The following CSGALNACT1 variants were observed in gnomAD, a reference collection of about 807,000 sequenced individuals.
CSGALNACT1 encodes the protein beta4GalNAcT-1.
Under a neutral mutation model 51.0 loss-of-function variants are expected in CSGALNACT1, and 52 were observed. The observed-to-expected ratio is 1.02, with a 90% CI of 0.82 to 1.29. The LOEUF (loss-of-function observed/expected upper bound fraction) is 1.29. Among genes scored for constraint, CSGALNACT1 ranks in the 50% most tolerant of loss-of-function variants. The probability of loss-of-function intolerance (pLI) is 0.00; values close to 1 mark genes in which losing one functional copy is unlikely to be tolerated. For synonymous variants in CSGALNACT1, 341 were observed against 254.4 expected (o/e 1.34, Z -3.24); for missense variants, 935 against 679.2 (o/e 1.38, Z -4.19).
At chr8:19,649,957 A>T (rs2057652681) in intron 1 of CSGALNACT1, among the ~76,000 whole-genome samples, 1 of 152,010 alleles carries the variant, frequency 6.6e-6, no homozygotes, top group Non-Finnish European at 1.5e-5. Flanking sequence ...CCACATCTTC[A>T]TAATACATAA....
At chr8:19,653,106 C>T (rs1291354257) in intron 1 of CSGALNACT1, among the ~76,000 whole-genome samples, 1 of 152,086 alleles carries the variant, frequency 6.6e-6, no homozygotes, top group African/African-American at 2.4e-5. Context: ...CGAACCAACT[C>T]CCCCCTCCTA....
chr8:19,561,692 C>G (rs2975440), intron 3 of CSGALNACT1, among the ~76,000 whole-genome samples: 1 of 152,208 alleles, frequency 6.6e-6, no homozygotes, highest in Non-Finnish European at 1.5e-5. Flanking sequence ...GAGAATGATT[C>G]TTTTACCCCT....
intron 1 of CSGALNACT1, among the ~76,000 whole-genome samples, chr8:19,652,685 C>G (rs2154185064): frequency 6.6e-6 from 1 of 152,356 alleles, no homozygotes; most frequent in Middle Eastern, 3.4e-3. Flanking sequence ...AAACAGCAAT[C>G]TGTGCTTTCC....
intron 5 of CSGALNACT1, among the ~76,000 whole-genome samples, chr8:19,441,817 T>G (rs1252542265): frequency 6.6e-6 from 1 of 152,006 alleles, no homozygotes; most frequent in Non-Finnish European, 1.5e-5. Context: ...TGCAACCTAC[T>G]CATCTGACAA....
At chr8:19,606,805 A>G (rs1312168075), upstream of CSGALNACT1, among the ~76,000 whole-genome samples, 1 of 152,188 alleles carries the variant, frequency 6.6e-6, no homozygotes, top group Non-Finnish European at 1.5e-5. Context: ...TTAAAAAGGT[A>G]CCAGTCCATT....
chr8:19,433,779 C>T (rs936586796), intron 6 of CSGALNACT1, among the ~76,000 whole-genome samples: 9 of 152,136 alleles, frequency 5.9e-5, no homozygotes, highest in Admixed American at 1.3e-4. Flanking sequence ...TTAAACATTA[C>T]GAGATTTTAT....
At chr8:19,563,345 T>C (rs542862486) in intron 3 of CSGALNACT1, among the ~76,000 whole-genome samples, 2 of 152,314 alleles carry the variant, frequency 1.3e-5, no homozygotes, top group African/African-American at 4.8e-5. Flanking sequence ...ACTTAGGTGA[T>C]GGGTTGACAG....
chr8:19,746,660 C>G (rs754422367), intron 1 of CSGALNACT1, among the ~76,000 whole-genome samples: 6 of 152,134 alleles, frequency 3.9e-5, no homozygotes, highest in Non-Finnish European at 8.8e-5. Flanking sequence ...TATATTTTTG[C>G]TAATCATTGG....
At chr8:19,652,270 G>T (rs765252368) in intron 1 of CSGALNACT1, among the ~76,000 whole-genome samples, 4 of 151,964 alleles carry the variant, frequency 2.6e-5, no homozygotes, top group Non-Finnish European at 4.4e-5. Flanking sequence ...CTTTTTAATA[G>T]CCATTCTCAC....
chr8:19,586,547 A>G (rs1428748251), intron 3 of CSGALNACT1, among the ~76,000 whole-genome samples: 3 of 152,208 alleles, frequency 2.0e-5, no homozygotes, highest in African/African-American at 7.2e-5. Flanking sequence ...ACACAGAATC[A>G]GAAACTCTGG....
At position 19,563,563 on chromosome 8, in the gene CSGALNACT1, C is replaced by T. The variant is rs554043213; in HGVS notation, c.-297+27597G>A. ...GCCTCCACATCTGTGTCAAAAGAACCCATTCTGATGGTCACCATCACCGCT... is the reference window on the plus strand; with the variant it reads ...GCCTCCACATCTGTGTCAAAAGAACTCATTCTGATGGTCACCATCACCGCT... On this transcript the variant is annotated intron_variant, in intron 3 of 9. Transcript: ENST00000454498. Among the ~76,000 whole-genome samples the T allele has an allele frequency of 2.0e-5, 3 of 152,276 alleles. No individual in the cohort carries two copies. The South Asian group carries it at 6.2e-4, about 32-fold the overall frequency.
chr8:19,729,879 C>T (rs2063596617), intron 1 of CSGALNACT1, among the ~76,000 whole-genome samples: 1 of 152,122 alleles, frequency 6.6e-6, no homozygotes, highest in Non-Finnish European at 1.5e-5. Context: ...TCCTCCTTTA[C>T]TGGGGAACTG....
chr8:19,675,997 A>C (rs765050609), intron 1 of CSGALNACT1, among the ~76,000 whole-genome samples: 3 of 151,528 alleles, frequency 2.0e-5, no homozygotes, highest in African/African-American at 4.9e-5. Context: ...AAAAATCTCA[A>C]CTCACACTGG....
intron 3 of CSGALNACT1, among the ~76,000 whole-genome samples, chr8:19,513,874 T>G (rs770117531): frequency 2.0e-5 from 3 of 152,152 alleles, no homozygotes; most frequent in African/African-American, 4.8e-5. Context: ...ACCACCCACA[T>G]GTATTCGGTC....
chr8:19,439,116 TGGC>T (rs2060880295), intron 6 of CSGALNACT1, among the ~76,000 whole-genome samples: 1 of 152,242 alleles, frequency 6.6e-6, no homozygotes, highest in Non-Finnish European at 1.5e-5. Context: ...AGCGCCATTC[TGGC>T]TTACATACTG....
At chr8:19,720,052 G>C (rs571922022) in intron 1 of CSGALNACT1, among the ~76,000 whole-genome samples, 6 of 152,258 alleles carry the variant, frequency 3.9e-5, no homozygotes, top group Middle Eastern at 3.4e-3. Context: ...TAATCACAGA[G>C]GTACAAGAGC....
intron 1 of CSGALNACT1, among the ~76,000 whole-genome samples, chr8:19,631,765 T>G (rs1331963335): frequency 1.3e-5 from 2 of 152,222 alleles, no homozygotes; most frequent in Non-Finnish European, 2.9e-5. Context: ...GGCACTTTCT[T>G]TAGCATTTCT....
chr8:19,484,049 T>C (rs1003760933), intron 4 of CSGALNACT1, among the ~76,000 whole-genome samples: 11 of 152,160 alleles, frequency 7.2e-5, no homozygotes, highest in African/African-American at 2.4e-4. Flanking sequence ...GTGGACACTA[T>C]CCCCCAAACA....
At chr8:19,639,791 A>C (rs1299438512) in intron 1 of CSGALNACT1, among the ~76,000 whole-genome samples, 1 of 151,804 alleles carries the variant, frequency 6.6e-6, no homozygotes, top group African/African-American at 2.4e-5. Context: ...AATATTAAGG[A>C]GTCTCCTGAA....
Sources: allele counts gnomAD v4.1 joint callset (sites outside exome capture counted in the v4.1 genomes callset), GRCh38; gene constraint gnomAD v4.1.1; transcripts MANE v1.5; gene names NCBI Gene and HGNC (gene_info 2026-07-23, HGNC 2026-07-21).